The following TRPM3 variants were observed in gnomAD, a reference collection of about 807,000 sequenced individuals.
TRPM3 encodes the protein long transient receptor potential channel 3.
TRPM3 carries 77 observed loss-of-function variants against 181.2 expected under a neutral mutation model. The ratio of observed to expected loss-of-function variants is 0.42; its 90% confidence interval spans 0.35 to 0.51. The LOEUF (loss-of-function observed/expected upper bound fraction) is 0.51, where lower values mean the gene tolerates loss of function less well. TRPM3 is among the 20% of genes least tolerant of loss of function. The pLI, the probability that TRPM3 is intolerant of heterozygous loss-of-function variation, is 0.01. For synonymous variants in TRPM3, 745 were observed against 796.4 expected (o/e 0.94, Z 1.09); for missense variants, 1,759 against 2,196.7 (o/e 0.80, Z 3.98).
At chr9:71,015,062 A>G (rs527464726) in intron 1 of TRPM3, among the ~76,000 whole-genome samples, 29 of 152,262 alleles carry the variant, frequency 1.9e-4, no homozygotes, top group East Asian at 1.5e-3. Flanking sequence ...AAGTAATGCT[A>G]TAAGTATTAT....
At chr9:71,286,305 G>C (rs1053078014) in intron 1 of TRPM3, among the ~76,000 whole-genome samples, 1 of 152,138 alleles carries the variant, frequency 6.6e-6, no homozygotes, top group Non-Finnish European at 1.5e-5. Flanking sequence ...CCGGGGGAGG[G>C]CATGTAATTT....
At chr9:70,867,086 C>A (rs979603274) in intron 1 of TRPM3, among the ~76,000 whole-genome samples, 5 of 152,046 alleles carry the variant, frequency 3.3e-5, no homozygotes, top group African/African-American at 1.2e-4. Flanking sequence ...GTCTTGGAAC[C>A]AGTTCATCCT....
At chr9:70,864,378 G>T (rs1268110874) in intron 2 of TRPM3, 54 bp downstream of exon 2, 3 of 1,274,528 alleles carry the variant, frequency 2.4e-6, no homozygotes, top group South Asian at 1.8e-5. Flanking sequence ...ACTCTTGCAG[G>T]TTTTTTGTAT....
chr9:71,232,349 C>T (rs540402755), intron 1 of TRPM3, among the ~76,000 whole-genome samples: 3 of 152,032 alleles, frequency 2.0e-5, no homozygotes, highest in East Asian at 1.9e-4. Flanking sequence ...AAACTGAAGC[C>T]GATATGATTC....
At chr9:71,097,432 T>A (rs1368733632) in intron 1 of TRPM3, among the ~76,000 whole-genome samples, 2 of 152,140 alleles carry the variant, frequency 1.3e-5, no homozygotes, top group Non-Finnish European at 2.9e-5. Flanking sequence ...CACTTAATAT[T>A]ATGTGCATTT....
chr9:70,954,930 T>G (rs1452811219), intron 1 of TRPM3, among the ~76,000 whole-genome samples: 2 of 151,970 alleles, frequency 1.3e-5, no homozygotes, highest in African/African-American at 4.8e-5. Flanking sequence ...AGCAGCCAGG[T>G]GAACAGTGAC....
chr9:71,435,137 C>T (rs1326409949), intron 1 of TRPM3, among the ~76,000 whole-genome samples: 4 of 152,134 alleles, frequency 2.6e-5, no homozygotes, highest in Non-Finnish European at 4.4e-5. Context: ...TTCATGAGTA[C>T]AATCCATTGG....
intron 1 of TRPM3, among the ~76,000 whole-genome samples, chr9:70,879,487 G>T (rs532395408): frequency 4.0e-5 from 6 of 151,414 alleles, no homozygotes; most frequent in African/African-American, 1.5e-4. Context: ...TTGTTCTTTC[G>T]CCTGCCCATT....
intron 1 of TRPM3, among the ~76,000 whole-genome samples, chr9:71,099,106 A>C (rs1482613004): frequency 2.0e-5 from 3 of 152,128 alleles, no homozygotes; most frequent in Admixed American, 2.0e-4. Flanking sequence ...GTGGCTTATA[A>C]AAATTTATTT....
chr9:71,073,005 C>T (rs2062977511), intron 1 of TRPM3, among the ~76,000 whole-genome samples: 1 of 152,148 alleles, frequency 6.6e-6, no homozygotes, highest in South Asian at 2.1e-4. Flanking sequence ...AGCAGGGAGC[C>T]ATCTTCCCCG....
At chr9:70,905,416 C>T (rs2096449383) in intron 1 of TRPM3, among the ~76,000 whole-genome samples, 1 of 152,116 alleles carries the variant, frequency 6.6e-6, no homozygotes, top group South Asian at 2.1e-4. Flanking sequence ...CAACTGTTAA[C>T]ATCTTACAGA....
chr9:71,042,202 GA>G (rs34422926), intron 1 of TRPM3, among the ~76,000 whole-genome samples: 63 of 145,722 alleles, frequency 4.3e-4, no homozygotes, highest in Middle Eastern at 3.5e-3. Context: ...GTTGTTATTT[GA>G]AAAAAAAAAG....
intron 1 of TRPM3, among the ~76,000 whole-genome samples, chr9:70,920,023 GT>G (rs1390285677): frequency 6.6e-6 from 1 of 152,140 alleles, no homozygotes; most frequent in East Asian, 1.9e-4. Flanking sequence ...AATATAGGTA[GT>G]TTTCTCTTAT....
At chr9:71,102,325 T>C (rs556225772) in intron 1 of TRPM3, among the ~76,000 whole-genome samples, 13 of 152,316 alleles carry the variant, frequency 8.5e-5, no homozygotes, top group Admixed American at 6.5e-4. Context: ...TAGTTCCTAG[T>C]CCAGACTTTG....
chr9:71,182,940 G>A (rs989935237), intron 1 of TRPM3, among the ~76,000 whole-genome samples: 1 of 152,054 alleles, frequency 6.6e-6, no homozygotes, highest in Non-Finnish European at 1.5e-5. Context: ...GGGATTACAG[G>A]CATGAGCCAC....
intron 9 of TRPM3, among the ~76,000 whole-genome samples, chr9:70,646,332 A>ATGAT (rs1454456826): frequency 6.6e-6 from 1 of 152,248 alleles, no homozygotes; most frequent in Admixed American, 6.5e-5. Context: ...GTGCCCATCA[A>ATGAT]TGATAGACTG....
upstream of TRPM3, among the ~76,000 whole-genome samples, chr9:71,122,083 A>G (rs2073716867): frequency 6.6e-6 from 1 of 152,164 alleles, no homozygotes; most frequent in Non-Finnish European, 1.5e-5. Context: ...ACTCATGGGC[A>G]TTTGGCTCAC....
chr9:70,752,759 T>C (rs2076406442), intron 8 of TRPM3, among the ~76,000 whole-genome samples: 1 of 152,130 alleles, frequency 6.6e-6, no homozygotes. Context: ...TAGGGACAAA[T>C]AGGCTATACC....
intron 7 of TRPM3, among the ~76,000 whole-genome samples, chr9:70,779,466 C>T (rs1266193422): frequency 6.6e-6 from 1 of 152,108 alleles, no homozygotes; most frequent in African/African-American, 2.4e-5. Context: ...GCCTTTTTCA[C>T]ACTGACTTTT....
Sources: gnomAD v4.1 joint callset for allele counts (sites outside exome capture counted in the v4.1 genomes callset) on GRCh38, gnomAD v4.1.1 for gene constraint, MANE v1.5 for transcripts, NCBI Gene and HGNC (gene_info 2026-07-23, HGNC 2026-07-21) for gene names.